GLIS3: variants seen among roughly 807,000 people sequenced by gnomAD.
GLIS3 encodes GLIS family zinc finger 3, also known as zinc finger protein GLIS3.
In GLIS3, 53 loss-of-function variants were observed where a neutral mutation model predicts 78.6. The observed-to-expected ratio is 0.67, with a 90% CI of 0.54 to 0.85. The LOEUF is 0.85. Ranked by LOEUF, GLIS3 falls within the 40% of genes least tolerant of loss-of-function variation. The pLI, the probability that GLIS3 is intolerant of heterozygous loss-of-function variation, is 0.00. For missense variants in GLIS3, 1,703 were observed against 1,231.1 expected, an observed-to-expected ratio of 1.38 and a Z score of -5.74; for synonymous variants, 684 against 509.9, an observed-to-expected ratio of 1.34 and a Z score of -4.60.
At chr9:4,287,413 G>A (rs1828095577) in intron 1 of GLIS3, among the ~76,000 whole-genome samples, 2 of 152,206 alleles carry the variant, frequency 1.3e-5, no homozygotes, top group South Asian at 2.1e-4. Flanking sequence ...ACCCACCCAC[G>A]TGATGATGCC....
the GLIS3 span, among the ~76,000 whole-genome samples, chr9:4,417,150 C>T: frequency 2.0e-5 from 3 of 152,150 alleles, no homozygotes; most frequent in South Asian, 2.1e-4. Flanking sequence ...AGTCGATGAC[C>T]AATCAAGGGT....
In GLIS3 at chr9:4,289,571, C is replaced by T. The variant is rs180850156; in HGVS notation, c.-98-3048G>A. Among the ~76,000 whole-genome samples the T allele has an allele frequency of 1.2e-3, 177 of 152,174 alleles. 1 individual carries two copies. Among genetic ancestry groups the T allele is most frequent in the African/African-American group, 4.1e-3 (171 of 41,538 alleles). On this transcript the variant is annotated intron_variant, in intron 1 of 10. Coordinates refer to ENST00000381971, the MANE Select transcript of GLIS3 (RefSeq NM_001042413.2). ...CTGACAGGATTCCATCGGAAGAGCA[C>T]CTTTCTAGTTAAAAATCCAATCACA...
At chr9:4,354,478 G>T in the GLIS3 span, among the ~76,000 whole-genome samples, 1 of 152,012 alleles carries the variant, frequency 6.6e-6, no homozygotes, top group African/African-American at 2.4e-5. Flanking sequence ...TACATCCCAG[G>T]ATCTCACTTT....
At chr9:4,213,963 TAAAC>T (rs532269548) in intron 2 of GLIS3, among the ~76,000 whole-genome samples, 68 of 134,158 alleles carry the variant, frequency 5.1e-4, no homozygotes, top group African/African-American at 1.5e-3. Context: ...TGAACAAAAA[TAAAC>T]AAAAAAAATT....
At chr9:4,004,052 T>A (rs1821340564) in intron 4 of GLIS3, among the ~76,000 whole-genome samples, 1 of 152,182 alleles carries the variant, frequency 6.6e-6, no homozygotes, top group Non-Finnish European at 1.5e-5. Context: ...TCAGGTAAAG[T>A]GTTAGAAACT....
intron 2 of GLIS3, among the ~76,000 whole-genome samples, chr9:4,340,628 A>G (rs979169964): frequency 6.6e-6 from 1 of 152,114 alleles, no homozygotes; most frequent in Non-Finnish European, 1.5e-5. Context: ...CACGCTATTA[A>G]CCACCATGGA....
chr9:3,891,999 T>C (rs1203586687), intron 7 of GLIS3, among the ~76,000 whole-genome samples: 13 of 152,116 alleles, frequency 8.5e-5, no homozygotes, highest in African/African-American at 1.4e-4. Flanking sequence ...TCCTAGAAGG[T>C]AGAAAAAAGG....
At chr9:4,223,340 A>G (rs1821496320) in intron 2 of GLIS3, among the ~76,000 whole-genome samples, 2 of 152,186 alleles carry the variant, frequency 1.3e-5, no homozygotes. Context: ...TACACAGCCT[A>G]ACACTGCTTC....
rs762792638 is a variant in GLIS3, at chr9:3,829,451, G to T, written c.2515C>A (p.Pro839Thr). Residue 839 changes from proline to threonine, a missense_variant, in exon 10 of 11, where the codon CCC becomes ACC. By Grantham distance (38) the Pro-to-Thr change is conservative (BLOSUM62 -1). Coordinates refer to ENST00000381971, the MANE Select transcript of GLIS3 (RefSeq NM_001042413.2). Reference sequence around the variant, plus strand: ...GGCGGCACAATTCTCTGGGAATCGGGGTAGTGTGGGGGACAGAACTTCTGC... The same window carrying T: ...GGCGGCACAATTCTCTGGGAATCGGTGTAGTGTGGGGGACAGAACTTCTGC... ...QLQKFCPPHYPDSQRIVPPVS... is the reference protein window; with the variant it reads ...QLQKFCPPHYTDSQRIVPPVS... 5 of 1,613,988 alleles carry T rather than the reference G, an allele frequency of 3.1e-6. No individual in the cohort carries two copies. The Admixed American group carries it at 6.7e-5, about 22-fold the overall frequency.
intron 2 of GLIS3, among the ~76,000 whole-genome samples, chr9:4,340,564 G>C (rs1392812042): frequency 6.6e-6 from 1 of 152,146 alleles, no homozygotes; most frequent in Non-Finnish European, 1.5e-5. Flanking sequence ...TGTGGTGGCA[G>C]GACAGCAGGA....
rs548318578 is a variant in GLIS3, at chr9:4,234,563, C to T, written c.388+51475G>A. Among the ~76,000 whole-genome samples the T allele has an allele frequency of 1.2e-4, 18 of 152,096 alleles. No individual in the cohort carries two copies. The South Asian group carries it at 3.3e-3, about 28-fold the overall frequency. ...CAAAACATCACTGTTCATGGATCTT[C>T]GTAATAGATATTATAATAACAACGG... On this transcript the variant is annotated intron_variant, in intron 2 of 10. Transcript: ENST00000381971.
At chr9:4,488,899 C>T in the GLIS3 span, among the ~76,000 whole-genome samples, 1 of 151,768 alleles carries the variant, frequency 6.6e-6, no homozygotes, top group Admixed American at 6.6e-5. Context: ...GACAGTCTCG[C>T]TCTGTCGCCT....
At position 4,202,691 on chromosome 9, in the gene GLIS3, C is replaced by G. The variant is rs370062130; in HGVS notation, c.389-76750G>C. On this transcript the variant is annotated intron_variant, in intron 2 of 10. Coordinates refer to ENST00000381971, the MANE Select transcript of GLIS3 (RefSeq NM_001042413.2). The stretch of plus-strand genomic sequence containing the variant: ...AAACCTGTAACCATCAGATCTTTGA[C>G]AAAGTCAACAAAAGTAAGCAATGGG... Among the ~76,000 whole-genome samples the G allele has an allele frequency of 2.6e-4, 39 of 152,122 alleles. No homozygotes were observed. The East Asian group carries it at 5.2e-3, about 20-fold the overall frequency.
chr9:3,902,667 C>T (rs915213530), intron 6 of GLIS3, among the ~76,000 whole-genome samples: 2 of 152,100 alleles, frequency 1.3e-5, no homozygotes, highest in African/African-American at 2.4e-5. Flanking sequence ...GTCTGCGATG[C>T]GTTTCTAAGT....
the GLIS3 span, among the ~76,000 whole-genome samples, chr9:4,363,464 G>C: frequency 5.9e-5 from 9 of 152,180 alleles, no homozygotes; most frequent in Non-Finnish European, 1.2e-4. Context: ...AAAAATCTGG[G>C]AATCATTAGG....
At chr9:4,115,251 A>G (rs552765891) in intron 4 of GLIS3, among the ~76,000 whole-genome samples, 57 of 152,320 alleles carry the variant, frequency 3.7e-4, no homozygotes, top group Admixed American at 5.2e-4. Flanking sequence ...AAACATATAT[A>G]AAACTAAAAA....
At chr9:4,165,470 T>A (rs530410439) in intron 2 of GLIS3, among the ~76,000 whole-genome samples, 1 of 152,166 alleles carries the variant, frequency 6.6e-6, no homozygotes, top group Non-Finnish European at 1.5e-5. Context: ...AAAACCTACA[T>A]TCTTTTCCAT....
chr9:4,184,521 C>T (rs895845828), intron 2 of GLIS3, among the ~76,000 whole-genome samples: 4 of 152,190 alleles, frequency 2.6e-5, no homozygotes, highest in Non-Finnish European at 5.9e-5. Context: ...CCTAGTCCTC[C>T]GTCCCCTAAT....
chr9:4,362,998 A>G, the GLIS3 span, among the ~76,000 whole-genome samples: 1 of 151,556 alleles, frequency 6.6e-6, no homozygotes, highest in African/African-American at 2.4e-5. Flanking sequence ...AGAGAGGAAA[A>G]GAGAAGAGAG....
Sources: allele counts gnomAD v4.1 joint callset (sites outside exome capture counted in the v4.1 genomes callset), GRCh38; gene constraint gnomAD v4.1.1; transcripts MANE v1.5; gene names NCBI Gene and HGNC (gene_info 2026-07-23, HGNC 2026-07-21).